RPH3A: variants seen among roughly 807,000 people sequenced by gnomAD.
RPH3A encodes rabphilin 3A.
In RPH3A, 48 loss-of-function variants were observed where a neutral mutation model predicts 102.2. The observed-to-expected ratio is 0.47, with a 90% CI of 0.37 to 0.60. RPH3A has a LOEUF of 0.60. Ranked by LOEUF, RPH3A falls within the 20% of genes least tolerant of loss-of-function variation. RPH3A has a pLI of 0.00. For missense variants in RPH3A, 781 were observed against 910.1 expected, an observed-to-expected ratio of 0.86 and a Z score of 1.83; for synonymous variants, 310 against 324.3, an observed-to-expected ratio of 0.96 and a Z score of 0.47.
intron 1 of RPH3A, among the ~76,000 whole-genome samples, chr12:112,637,787 A>G (rs1356771816): frequency 6.6e-6 from 1 of 152,120 alleles, no homozygotes; most frequent in East Asian, 1.9e-4. Context: ...CAGCAAGAGC[A>G]GTGATAAAGA....
At chr12:112,830,145 C>T (rs2041945483) in intron 3 of RPH3A, among the ~76,000 whole-genome samples, 1 of 151,962 alleles carries the variant, frequency 6.6e-6, no homozygotes, top group South Asian at 2.1e-4. Flanking sequence ...TAAAACTTCC[C>T]TCTTTTCTAA....
At chr12:112,667,592 C>G (rs567330991) in intron 1 of RPH3A, among the ~76,000 whole-genome samples, 1 of 149,368 alleles carries the variant, frequency 6.7e-6, no homozygotes, top group Admixed American at 6.7e-5. Context: ...GAAGAGAACA[C>G]CTAGGGACAG....
In RPH3A at chr12:112,581,676, A is replaced by T. The variant is rs367881010; in HGVS notation, c.-140+6357A>T. 3.3e-5 allele frequency among the ~76,000 whole-genome samples: 5 copies of T among 151,158 alleles called. No individual in the cohort carries two copies. The East Asian group carries it at 7.7e-4, about 23-fold the overall frequency. On this transcript the variant is annotated intron_variant, in intron 1 of 21. Transcript: ENST00000543106. Reference sequence around the variant, plus strand: ...TGGCTTCCCAAAGTGCTGGGATTACAGGTGTCAGCCTGGCCACGAACAACA... The same window carrying T: ...TGGCTTCCCAAAGTGCTGGGATTACTGGTGTCAGCCTGGCCACGAACAACA...
At chr12:112,867,843 CA>C (rs1371940759) in intron 7 of RPH3A, among the ~76,000 whole-genome samples, 2 of 152,204 alleles carry the variant, frequency 1.3e-5, no homozygotes, top group African/African-American at 4.8e-5. Context: ...TCTCCTTGAC[CA>C]ACTAAACCTG....
intron 20 of RPH3A, among the ~76,000 whole-genome samples, chr12:112,894,985 G>A (rs186329486): frequency 1.4e-3 from 218 of 151,744 alleles, no homozygotes; most frequent in African/African-American, 4.5e-3. Flanking sequence ...TGGGGGTGGG[G>A]GTTCTTCTTT....
chr12:112,604,369 G>T (rs1379043876), intron 1 of RPH3A, among the ~76,000 whole-genome samples: 1 of 152,172 alleles, frequency 6.6e-6, no homozygotes, highest in East Asian at 1.9e-4. Flanking sequence ...TGTTATAAAA[G>T]TCAGTCATCT....
intron 1 of RPH3A, among the ~76,000 whole-genome samples, chr12:112,603,112 C>T (rs1380113938): frequency 6.6e-6 from 1 of 152,118 alleles, no homozygotes; most frequent in African/African-American, 2.4e-5. Context: ...TGTTCAGACT[C>T]CTGTGTCTTC....
At chr12:112,690,506 C>T (rs1037735883) in intron 1 of RPH3A, among the ~76,000 whole-genome samples, 9 of 152,180 alleles carry the variant, frequency 5.9e-5, no homozygotes, top group Non-Finnish European at 1.2e-4. Flanking sequence ...GGATCTTTGT[C>T]CTTCCCCAAG....
chr12:112,852,925 CAGTT>C (rs1304180129), intron 5 of RPH3A, among the ~76,000 whole-genome samples: 2 of 152,178 alleles, frequency 1.3e-5, no homozygotes, highest in African/African-American at 4.8e-5. Flanking sequence ...AAGGGACTGG[CAGTT>C]GGGTGGCTTC....
At chr12:112,601,712 A>C (rs2039560910) in intron 1 of RPH3A, among the ~76,000 whole-genome samples, 1 of 152,128 alleles carries the variant, frequency 6.6e-6, no homozygotes, top group Non-Finnish European at 1.5e-5. Flanking sequence ...TGGGCGGATC[A>C]CTTGAGCACA....
intron 1 of RPH3A, among the ~76,000 whole-genome samples, chr12:112,732,677 A>G (rs1165931536): frequency 1.3e-5 from 2 of 152,202 alleles, no homozygotes; most frequent in Non-Finnish European, 1.5e-5. Flanking sequence ...GACCCCACAG[A>G]GCCCTGGAGC....
At chr12:112,729,079 T>G (rs2040615346) in intron 1 of RPH3A, among the ~76,000 whole-genome samples, 1 of 152,158 alleles carries the variant, frequency 6.6e-6, no homozygotes, top group Admixed American at 6.5e-5. Context: ...GAGATCTTTT[T>G]GAAGTCATTT....
At chr12:112,639,607 T>A (rs945566692) in intron 1 of RPH3A, among the ~76,000 whole-genome samples, 17 of 152,116 alleles carry the variant, frequency 1.1e-4, no homozygotes, top group African/African-American at 4.1e-4. Flanking sequence ...CATTTACCTA[T>A]GTAACAAACC....
In RPH3A at chr12:112,613,560, G is replaced by C. The variant is rs182556744; in HGVS notation, c.-140+38241G>C. Among the ~76,000 whole-genome samples, 936 of 152,280 alleles carry C rather than the reference G, an allele frequency of 6.1e-3. 11 individuals are homozygous for C. Among genetic ancestry groups the C allele is most frequent in the African/African-American group, 0.022 (895 of 41,558 alleles). ...TGTAGAGATGATCCTGGATTATCCA[G>C]GTGAGCCCAATCCATCACCCAGATC... On this transcript the variant is annotated intron_variant, in intron 1 of 21. Coordinates refer to the RPH3A transcript ENST00000543106.
chr12:112,576,082 G>A (rs778215746), intron 1 of RPH3A, among the ~76,000 whole-genome samples: 6 of 152,168 alleles, frequency 3.9e-5, no homozygotes, highest in Admixed American at 3.3e-4. Flanking sequence ...TCCTCACCAC[G>A]CTCCCTGAAC....
Position 112,612,684 on chromosome 12 carries a change from C to A in RPH3A, c.-140+37365C>A, listed in dbSNP as rs146936860. The stretch of plus-strand genomic sequence containing the variant: ...GGCTCAAGTGATCCCCCTGCCCCAG[C>A]CTCCTGAGCAGCTGGGACTACAGGT... On this transcript the variant is annotated intron_variant, in intron 1 of 21. Transcript: ENST00000543106. Among the ~76,000 whole-genome samples, 1,152 of 151,744 alleles carry A rather than the reference C, an allele frequency of 7.6e-3. 12 individuals are homozygous for A. The highest frequency in any genetic ancestry group is 0.026 in the African/African-American group (1,094 of 41,318).
At chr12:112,841,620 T>C (rs777311559) in intron 4 of RPH3A, among the ~76,000 whole-genome samples, 2 of 152,144 alleles carry the variant, frequency 1.3e-5, no homozygotes, top group African/African-American at 2.4e-5. Context: ...TCCAGAGAGA[T>C]AGAATACTTT....
intron 1 of RPH3A, among the ~76,000 whole-genome samples, chr12:112,736,770 G>A (rs1259823243): frequency 6.6e-6 from 1 of 152,182 alleles, no homozygotes; most frequent in African/African-American, 2.4e-5. Context: ...TGCAATTTGA[G>A]GGTAACCAAT....
chr12:112,786,406 A>G (rs1416742502), intron 1 of RPH3A, among the ~76,000 whole-genome samples: 2 of 152,102 alleles, frequency 1.3e-5, no homozygotes, highest in African/African-American at 4.8e-5. Flanking sequence ...CTTGCACGCC[A>G]ATCTCTCTGT....
Sources: allele counts gnomAD v4.1 joint callset (sites outside exome capture counted in the v4.1 genomes callset), GRCh38; gene constraint gnomAD v4.1.1; transcripts MANE v1.5; gene names NCBI Gene and HGNC (gene_info 2026-07-23, HGNC 2026-07-21).